Variants in NCSTN observed in about 807,000 individuals in gnomAD.
The protein encoded by NCSTN is anterior pharynx-defective 2.
A neutral mutation model predicts 87.0 loss-of-function variants in NCSTN; 22 were observed. That is an observed-to-expected ratio of 0.25 (90% CI 0.18 to 0.36). The LOEUF (loss-of-function observed/expected upper bound fraction) is 0.36, where lower values mean the gene tolerates loss of function less well. Among genes scored for constraint, NCSTN ranks in the 10% least tolerant of loss-of-function variants. The pLI, the probability that NCSTN is intolerant of heterozygous loss-of-function variation, is 1.00. For missense variants in NCSTN, 693 were observed against 883.3 expected, an observed-to-expected ratio of 0.78 and a Z score of 2.73; for synonymous variants, 306 against 327.1, an observed-to-expected ratio of 0.94 and a Z score of 0.69.
intron 7 of NCSTN, 30 bp from the exon 8 acceptor site, chr1:160,352,024 A>G: frequency 6.2e-7 from 1 of 1,612,882 alleles, no homozygotes; most frequent in Non-Finnish European, 8.5e-7. Context: ...TAAAGTATAT[A>G]TCCCCTGACT....
chr1:160,352,289 TCAGCACTTGACCTAAGTTGTTAAC>T (rs1471780872), intron 8 of NCSTN, 83 bp downstream of exon 8: 3 of 1,559,336 alleles, frequency 1.9e-6, no homozygotes, highest in Non-Finnish European at 2.6e-6. Context: ...GGAGAAGACC[TCAGCACTTGACCTAAGTTGTTAAC>T]CAGCACAGAG....
At position 160,354,222 on chromosome 1, in the gene NCSTN, G is replaced by A. The variant is rs371365350; in HGVS notation, c.1284G>A (p.Gln428=). The part of the protein sequence containing the change: ...QSQPLPPSSL[Q]RFLRARNISG... ...AGCCTCTCCCACCATCTTCCCTGCA[G>A]CGATTTCTTCGAGCTCGAAACATCT... The change falls in exon 11 of 17, where the codon CAG becomes CAA. Residue 428 remains glutamine, a synonymous_variant. Transcript: ENST00000294785. 1 of 1,614,168 alleles carries A rather than the reference G, an allele frequency of 6.2e-7. No individual in the cohort carries two copies. The highest frequency in any genetic ancestry group is 2.2e-5 in the East Asian group (1 of 44,880).
intron 14 of NCSTN, 102 bp from the exon 15 acceptor site, chr1:160,356,498 T>C: frequency 6.7e-7 from 1 of 1,502,856 alleles, no homozygotes; most frequent in South Asian, 1.1e-5. Flanking sequence ...TGATGGATCC[T>C]TTTCCATTGC....
At chr1:160,353,848 A>G in intron 10 of NCSTN, 1 of 573,052 alleles carries the variant, frequency 1.7e-6, no homozygotes, top group Non-Finnish European at 2.2e-6. Flanking sequence ...AGGATAAAGC[A>G]GAGTCTTGAA....
Position 160,349,627 on chromosome 1 carries a change from C to T in NCSTN, c.393C>T (p.Ala131=), listed in dbSNP as rs577297541. 4 of 1,614,124 alleles carry T rather than the reference C, an allele frequency of 2.5e-6. No individual in the cohort carries two copies. In the South Asian group the frequency reaches 4.4e-5, roughly 18 times the overall value. Residue 131 remains alanine (A), a synonymous_variant, in exon 4 of 17, where the codon GCC becomes GCT. Transcript: ENST00000294785. Reference sequence around the variant, plus strand: ...TGTCCTTGACCAAGCCCAGTCCTGCCTCAGGCTTCTCTCCTAGTGTACAGT... The same window carrying T: ...TGTCCTTGACCAAGCCCAGTCCTGCTTCAGGCTTCTCTCCTAGTGTACAGT... ...LAVSLTKPSP[A]SGFSPSVQCP... is the part of the protein sequence containing the mutation.
chr1:160,346,609 CTTT>C (rs747845309), intron 2 of NCSTN, among the ~76,000 whole-genome samples: 7 of 143,640 alleles, frequency 4.9e-5, no homozygotes, highest in Non-Finnish European at 3.1e-5. Context: ...TACTTAGTTT[CTTT>C]TTTTTTTTTT....
intron 7 of NCSTN, 44 bp downstream of exon 7, chr1:160,351,849 AAG>A (rs1346352791): frequency 2.6e-6 from 4 of 1,529,340 alleles, no homozygotes; most frequent in African/African-American, 1.4e-5. Context: ...CTGGCACAAA[AAG>A]AGCTGGTAGG....
In NCSTN at chr1:160,358,339, A is replaced by C; in HGVS notation, c.*68A>C. On this transcript the variant is annotated 3_prime_UTR_variant, in exon 17 of 17. Transcript: ENST00000294785. ...TAGAGCATCTGTCCCACTGGGACAC[A>C]ACCACTAATTTGTCACTGGAACCTC... 6.2e-7 allele frequency: 1 copy of C among 1,607,648 alleles called. No individual in the cohort carries two copies. Among genetic ancestry groups the C allele is most frequent in the African/African-American group, 1.3e-5 (1 of 74,948 alleles).
chr1:160,356,833 GA>G, intron 15 of NCSTN, 79 bp downstream of exon 15: 1 of 1,573,704 alleles, frequency 6.4e-7, no homozygotes, highest in Non-Finnish European at 8.7e-7. Flanking sequence ...GACCTAGTTA[GA>G]CCCAGGGGAT....
Position 160,346,769 on chromosome 1 carries a change from C to A in NCSTN, c.190+1943C>A, listed in dbSNP as rs145823340. ...TACAGGCGCGTGCCACCGTGCCCAGCTAATTTTTTGTATCTTTAGTAGAGG... is the reference window on the plus strand; with the variant it reads ...TACAGGCGCGTGCCACCGTGCCCAGATAATTTTTTGTATCTTTAGTAGAGG... On this transcript the variant is annotated intron_variant, in intron 2 of 16. Coordinates refer to ENST00000294785, the MANE Select transcript of NCSTN (RefSeq NM_015331.3). Among the ~76,000 whole-genome samples the A allele has an allele frequency of 3.2e-4, 48 of 152,298 alleles. 1 individual carries two copies. The highest frequency in any genetic ancestry group is 1.1e-3 in the African/African-American group (46 of 41,578).
rs1454204189 is a variant in NCSTN, at chr1:160,355,977, G to C, written c.1551+19G>C. On this transcript the variant is annotated intron_variant, in intron 13 of 16. Coordinates refer to ENST00000294785, the MANE Select transcript of NCSTN (RefSeq NM_015331.3). ...CCAAACGGTAAGCAGATGGGCCCTA[G>C]CTCCTTCTTTCTATTTACACAGCAA... 1 of 1,592,508 alleles carries C rather than the reference G, an allele frequency of 6.3e-7. No homozygotes were observed. The highest frequency in any genetic ancestry group is 1.7e-5 in the Admixed American group (1 of 59,974).
At chr1:160,352,735 GA>G (rs1648928333) in intron 8 of NCSTN, 151 bp from the exon 9 acceptor site, 2 of 713,328 alleles carry the variant, frequency 2.8e-6, no homozygotes, top group African/African-American at 3.5e-5. Flanking sequence ...GGGGCCAAGA[GA>G]AGCCGAAAGT....
intron 1 of NCSTN, chr1:160,344,419 A>T (rs1648326050): frequency 2.1e-6 from 3 of 1,447,012 alleles, no homozygotes; most frequent in Non-Finnish European, 2.7e-6. Flanking sequence ...GTGCAACCAG[A>T]ATCTGGCAAA....
rs1381185991 is a variant in NCSTN at position 160,350,203 on chromosome 1, C to G, written c.535C>G (p.Pro179Ala). Residue 179 changes from proline (P) to alanine (A), a missense_variant, in exon 5 of 17, where the codon CCC becomes GCC. Around this residue, in one of 4 missense-constraint regions of NCSTN, gnomAD observed 235 missense variants for 233.9 expected, o/e 1.00. Coordinates refer to ENST00000294785, the MANE Select transcript of NCSTN (RefSeq NM_015331.3). Reference sequence around the variant, plus strand: ...TTTGGCTTATGAAGACTTTAGTTTCCCCATCTTTCTTCTTGAAGATGAAAA... The same window carrying G: ...TTTGGCTTATGAAGACTTTAGTTTCGCCATCTTTCTTCTTGAAGATGAAAA... ...NGLAYEDFSF[P>A]IFLLEDENET... 3 of 1,613,986 alleles carry G rather than the reference C, an allele frequency of 1.9e-6. No individual in the cohort carries two copies. The highest frequency in any genetic ancestry group is 2.7e-5 in the African/African-American group (2 of 74,896).
chr1:160,351,443 G>A (rs1309487332), intron 6 of NCSTN, 71 bp downstream of exon 6: 3 of 1,540,896 alleles, frequency 1.9e-6, no homozygotes, highest in Non-Finnish European at 1.8e-6. Context: ...GCCAGGGAAT[G>A]TTAGAGAGAC....
At chr1:160,351,079 G>T (rs1402095765) in intron 5 of NCSTN, 143 bp from the exon 6 acceptor site, 6 of 860,918 alleles carry the variant, frequency 7.0e-6, no homozygotes, top group South Asian at 5.7e-5. Context: ...GTGGTTCTAG[G>T]ATAACTATAG....
intron 2 of NCSTN, among the ~76,000 whole-genome samples, chr1:160,347,136 A>G (rs988412303): frequency 3.9e-5 from 6 of 152,238 alleles, no homozygotes; most frequent in Non-Finnish European, 7.3e-5. Flanking sequence ...GCCACGTGCC[A>G]GTACAGAGAA....
chr1:160,352,152 G>A lies in NCSTN; in HGVS notation c.942G>A (p.Lys314=), dbSNP rs141325330. 111 of 1,614,208 alleles carry A rather than the reference G, an allele frequency of 6.9e-5. No homozygotes were observed. The African/African-American group carries it at 1.3e-3, about 19-fold the overall frequency. The part of the protein sequence containing the change: ...TQLAAAEALQ[K]APDVTTLPRN... ...TGGCTGCTGCTGAAGCTTTGCAAAA[G>A]GCACCTGATGTGACCACCCTGCCCC... is the stretch of plus-strand genomic sequence containing the variant. The change falls in exon 8 of 17, where the codon AAG becomes AAA. Residue 314 remains lysine (K), a synonymous_variant. Transcript: ENST00000294785.
rs140854423 is a variant in NCSTN at position 160,355,559 on chromosome 1, TGA to T, written c.1353-93_1353-92del. 1,302 of 881,232 alleles carry T rather than the reference TGA, an allele frequency of 1.5e-3. 11 individuals carry two copies. In the African/African-American group the frequency reaches 0.018, roughly 12 times the overall value. The allele number at this position is 881,232 out of a possible 1,614,324, so 54.6% of individuals were successfully genotyped here. A position where few individuals can be genotyped will look rare whatever the true frequency, so the allele number is the denominator to read the frequency against. ...CACCCCTTTCTTCTGATGCTGAAAA[TGA>T]GATACTGAGTCCCTGCATAAGGAGC... On this transcript the variant is annotated intron_variant, in intron 11 of 16. Coordinates refer to ENST00000294785, the MANE Select transcript of NCSTN (RefSeq NM_015331.3).
Sources: allele counts gnomAD v4.1 joint callset (sites outside exome capture counted in the v4.1 genomes callset), GRCh38; gene constraint gnomAD v4.1.1; regional missense constraint gnomAD v4.1.1; transcripts MANE v1.5; gene names NCBI Gene and HGNC (gene_info 2026-07-23, HGNC 2026-07-21).